DOCK2: variants seen among roughly 807,000 people sequenced by gnomAD.
The protein encoded by DOCK2 is dedicator of cytokinesis 2, also known as dedicator of cytokinesis protein 2.
Under a neutral mutation model 248.9 loss-of-function variants are expected in DOCK2, and 87 were observed. The observed-to-expected ratio is 0.35, with a 90% CI of 0.29 to 0.42. The LOEUF is 0.42. DOCK2 is among the 10% of genes least tolerant of loss of function. The pLI is 1.00. For missense variants in DOCK2, 1,747 were observed against 2,300.2 expected (o/e 0.76, Z 4.92); for synonymous variants, 805 against 821.6 (o/e 0.98, Z 0.35).
Position 169,674,451 on chromosome 5 carries a change from C to T in DOCK2, c.470+6C>T. Reference sequence around the variant, plus strand: ...AAAATTGACTATGGCAACAAGTAACCTCTCTTTCCTCTGCAAAGAGGTTTT... The same window carrying T: ...AAAATTGACTATGGCAACAAGTAACTTCTCTTTCCTCTGCAAAGAGGTTTT... On this transcript the variant is annotated splice_donor_region_variant and intron_variant, in intron 6 of 51. Transcript: ENST00000520908. The T allele has an allele frequency of 6.2e-7, 1 of 1,613,960 alleles. No homozygotes were observed. Among genetic ancestry groups the T allele is most frequent in the African/African-American group, 1.3e-5 (1 of 75,042 alleles).
chr5:169,873,493 A>G (rs1262196506), intron 27 of DOCK2, among the ~76,000 whole-genome samples: 2 of 152,242 alleles, frequency 1.3e-5, no homozygotes, highest in East Asian at 3.8e-4. Flanking sequence ...TGTGATTACT[A>G]GAATAACAGA....
intron 26 of DOCK2, among the ~76,000 whole-genome samples, chr5:169,834,984 T>TA (rs754121119): frequency 6.6e-6 from 1 of 151,590 alleles, no homozygotes; most frequent in Non-Finnish European, 1.5e-5. Flanking sequence ...AGATAGTACT[T>TA]AAAAAAACTA....
At position 169,763,900 on chromosome 5, in the gene DOCK2, A is replaced by T. The variant is rs764748491; in HGVS notation, c.2554+2275A>T. Among the ~76,000 whole-genome samples, 4 of 152,194 alleles carry T rather than the reference A, an allele frequency of 2.6e-5. No homozygotes were observed. The highest frequency in any genetic ancestry group is 4.8e-5 in the African/African-American group (2 of 41,458). On this transcript the variant is annotated intron_variant, in intron 25 of 51. Transcript: ENST00000520908. The surrounding 1 kb of genome is among the most constrained non-coding windows in gnomAD (Gnocchi z 4.1). ...ATGACCTTATTCACAGCTGAAAGGT[A>T]ACTCCTCTCCCACCATCTATTTGCT...
chr5:170,038,256 T>C lies in DOCK2; in HGVS notation c.3665+1701T>C, dbSNP rs113987996. On this transcript the variant is annotated intron_variant, in intron 36 of 51. Coordinates refer to ENST00000520908, the MANE Select transcript of DOCK2 (RefSeq NM_004946.3). ...TAGGTAATATGGCTGCCACATGGTT[T>C]CCTCCCTCCAACCTTGTTTCTCCCC... Among the ~76,000 whole-genome samples the C allele has an allele frequency of 6.8e-3, 1,039 of 152,270 alleles. 4 individuals carry two copies. Among genetic ancestry groups the C allele is most frequent in the Middle Eastern group, 0.048 (14 of 294 alleles).
At chr5:169,852,103 G>C (rs755494049) in intron 27 of DOCK2, among the ~76,000 whole-genome samples, 1 of 152,146 alleles carries the variant, frequency 6.6e-6, no homozygotes, top group Non-Finnish European at 1.5e-5. Flanking sequence ...GAGAGAAATA[G>C]AGTTTGGAAA....
rs560189919 is a variant in DOCK2, at chr5:169,965,677, A to AT, written c.2800-17391_2800-17390insT. 1.8e-4 allele frequency among the ~76,000 whole-genome samples: 27 copies of AT among 152,310 alleles called. 1 individual carries two copies. In the South Asian group the frequency reaches 5.2e-3, roughly 29 times the overall value. ...ATGGCCTCAGAGTCCAACCTCATCCAAGGAACAAGAAAGGAAAGGAGAAGA... is the reference window on the plus strand; with the variant it reads ...ATGGCCTCAGAGTCCAACCTCATCCATAGGAACAAGAAAGGAAAGGAGAAGA... On this transcript the variant is annotated intron_variant, in intron 27 of 51. Transcript: ENST00000520908.
At chr5:169,767,886 A>G (rs1764878221) in intron 25 of DOCK2, among the ~76,000 whole-genome samples, 1 of 152,240 alleles carries the variant, frequency 6.6e-6, no homozygotes, top group South Asian at 2.1e-4. Context: ...GAGATCAAAT[A>G]TTACACAACG....
In DOCK2 at chr5:169,897,015, C is replaced by T. The variant is rs1366347493; in HGVS notation, c.2799+56163C>T. ...TCATTACTTAGTGCTTAGTGCTAGA[C>T]ATTTCATCATGAGTAACAACCTTCT... On this transcript the variant is annotated intron_variant, in intron 27 of 51. Coordinates refer to ENST00000520908, the MANE Select transcript of DOCK2 (RefSeq NM_004946.3). 3.3e-5 allele frequency among the ~76,000 whole-genome samples: 5 copies of T among 152,292 alleles called. No individual in the cohort carries two copies. The East Asian group carries it at 5.8e-4, about 18-fold the overall frequency.
chr5:169,667,498 A>C (rs1434529179), intron 2 of DOCK2, among the ~76,000 whole-genome samples: 1 of 152,250 alleles, frequency 6.6e-6, no homozygotes, highest in Non-Finnish European at 1.5e-5. Context: ...GCAGGTGACC[A>C]GTGAAAGACA....
At chr5:170,042,264 C>G in intron 38 of DOCK2, 132 bp downstream of exon 38, 1 of 1,158,780 alleles carries the variant, frequency 8.6e-7, no homozygotes, top group South Asian at 1.6e-5. Flanking sequence ...TCACTTCTCT[C>G]CACTTCCTCT....
chr5:169,894,249 T>G (rs2113551696), intron 27 of DOCK2, among the ~76,000 whole-genome samples: 1 of 152,238 alleles, frequency 6.6e-6, no homozygotes, highest in South Asian at 2.1e-4. Context: ...ATGAAGGTGG[T>G]CTGGCAGGAC....
chr5:170,032,240 A>AT (rs988066469), intron 34 of DOCK2, among the ~76,000 whole-genome samples: 1 of 151,882 alleles, frequency 6.6e-6, no homozygotes, highest in Non-Finnish European at 1.5e-5. Context: ...GGGAGCCAGG[A>AT]TTGTCTCTAT....
At chr5:169,733,871 G>T (rs1253996454) in intron 22 of DOCK2, among the ~76,000 whole-genome samples, 1 of 152,102 alleles carries the variant, frequency 6.6e-6, no homozygotes, top group Admixed American at 6.5e-5. Flanking sequence ...ACTTAGGAAT[G>T]ATTTTGTTGA....
At position 169,840,747 on chromosome 5, in the gene DOCK2, T is replaced by C; in HGVS notation, c.2704-10T>C. ...TGGTTGTCACATAGATGTCTCTGAC[T>C]GTTTTACAGGCCTTCACCTACCACC... On this transcript the variant is annotated splice_polypyrimidine_tract_variant and intron_variant, in intron 26 of 51. Transcript: ENST00000520908. 2 of 1,613,530 alleles carry C rather than the reference T, an allele frequency of 1.2e-6. No individual in the cohort carries two copies. Among genetic ancestry groups the C allele is most frequent in the Non-Finnish European group, 1.7e-6 (2 of 1,179,704 alleles).
At chr5:169,786,550 G>T (rs1765993122) in intron 25 of DOCK2, among the ~76,000 whole-genome samples, 1 of 152,168 alleles carries the variant, frequency 6.6e-6, no homozygotes, top group Non-Finnish European at 1.5e-5. Flanking sequence ...TTGATGGCAG[G>T]AGATTCTCCA....
At chr5:169,729,190 G>A (rs1225631170) in intron 22 of DOCK2, among the ~76,000 whole-genome samples, 1 of 152,194 alleles carries the variant, frequency 6.6e-6, no homozygotes, top group Non-Finnish European at 1.5e-5. Context: ...CGGATAAGAA[G>A]GGTCTAGTTT....
At chr5:169,913,923 A>G (rs1774741078) in intron 27 of DOCK2, among the ~76,000 whole-genome samples, 1 of 152,236 alleles carries the variant, frequency 6.6e-6, no homozygotes, top group Non-Finnish European at 1.5e-5. Context: ...GATGATAAAG[A>G]AAATGAGATT....
At chr5:169,887,990 CA>C (rs1378620389) in intron 27 of DOCK2, among the ~76,000 whole-genome samples, 4 of 152,140 alleles carry the variant, frequency 2.6e-5, no homozygotes, top group Non-Finnish European at 5.9e-5. Flanking sequence ...TATGAGTGGA[CA>C]TTTTTTCACA....
At chr5:169,814,754 T>C (rs186114317) in intron 26 of DOCK2, among the ~76,000 whole-genome samples, 2 of 152,312 alleles carry the variant, frequency 1.3e-5, no homozygotes, top group East Asian at 3.9e-4. Context: ...GAATGAGGGT[T>C]GAAGGTGAAC....
Sources: gnomAD v4.1 joint callset for allele counts (sites outside exome capture counted in the v4.1 genomes callset) on GRCh38, gnomAD v4.1.1 for gene constraint, Gnocchi (gnomAD v3.1) non-coding constraint, MANE v1.5 for transcripts, NCBI Gene and HGNC (gene_info 2026-07-23, HGNC 2026-07-21) for gene names.